The following PCDH9 variants were observed in gnomAD, a reference collection of about 807,000 sequenced individuals.
PCDH9 encodes the protein protocadherin-9.
Under a neutral mutation model 70.6 loss-of-function variants are expected in PCDH9, and 24 were observed. The ratio of observed to expected loss-of-function variants is 0.34; its 90% CI spans 0.25 to 0.48. The LOEUF is 0.48. PCDH9 is among the 20% of genes least tolerant of loss of function. PCDH9 has a pLI of 0.99. For synonymous variants in PCDH9, 562 were observed against 558.5 expected (o/e 1.01, Z -0.09); for missense variants, 1,281 against 1,503.6 (o/e 0.85, Z 2.45).
chr13:66,405,710 T>C (rs1050248881), intron 4 of PCDH9, among the ~76,000 whole-genome samples: 5 of 152,128 alleles, frequency 3.3e-5, no homozygotes, highest in African/African-American at 1.2e-4. Context: ...TGTCCATATA[T>C]AGGAGGACAG....
chr13:66,796,448 C>G (rs1327693386), intron 3 of PCDH9, among the ~76,000 whole-genome samples: 2 of 152,112 alleles, frequency 1.3e-5, no homozygotes, highest in Non-Finnish European at 2.9e-5. Flanking sequence ...TTAAGCAGTA[C>G]CCCAGTTTTC....
intron 3 of PCDH9, among the ~76,000 whole-genome samples, chr13:66,752,794 T>C (rs181482194): frequency 7.4e-4 from 113 of 152,302 alleles, no homozygotes; most frequent in Non-Finnish European, 1.3e-3. Flanking sequence ...GGTCCACACA[T>C]ACACAATGTG....
chr13:66,886,373 G>C (rs1014482785), intron 3 of PCDH9, among the ~76,000 whole-genome samples: 1 of 152,136 alleles, frequency 6.6e-6, no homozygotes, highest in African/African-American at 2.4e-5. Flanking sequence ...AAATCAGAAA[G>C]GGGGCTGTGA....
chr13:66,314,015 A>C (rs1033413203), intron 4 of PCDH9, among the ~76,000 whole-genome samples: 13 of 152,184 alleles, frequency 8.5e-5, no homozygotes, highest in African/African-American at 2.2e-4. Context: ...TCTTACCATC[A>C]CTTTAAATTA....
intron 2 of PCDH9, among the ~76,000 whole-genome samples, chr13:67,099,694 G>A (rs559263160): frequency 7.2e-5 from 11 of 152,138 alleles, no homozygotes; most frequent in Non-Finnish European, 1.3e-4. Flanking sequence ...CAACAGGACC[G>A]AGCAGAACTT....
chr13:66,400,688 A>G (rs1304136486), intron 4 of PCDH9, among the ~76,000 whole-genome samples: 1 of 152,238 alleles, frequency 6.6e-6, no homozygotes, highest in African/African-American at 2.4e-5. Flanking sequence ...TGGAATTAAT[A>G]AAGGATGGAA....
intron 3 of PCDH9, among the ~76,000 whole-genome samples, chr13:66,688,176 C>G (rs1462159823): frequency 6.6e-6 from 1 of 152,094 alleles, no homozygotes; most frequent in Non-Finnish European, 1.5e-5. Context: ...ACTATTTGTG[C>G]ACTCCCTTTA....
chr13:67,216,055 A>G (rs1240547154), intron 2 of PCDH9: 2 of 152,194 alleles, frequency 1.3e-5, no homozygotes, highest in East Asian at 3.9e-4. Flanking sequence ...ACACAGTATC[A>G]GCTGGAGAGG....
chr13:66,873,937 TTTC>T (rs1263183540), intron 3 of PCDH9, among the ~76,000 whole-genome samples: 2 of 119,410 alleles, frequency 1.7e-5, no homozygotes, highest in Non-Finnish European at 3.5e-5. Context: ...TTTTTCTTTC[TTTC>T]TTTTTTTTTT....
intron 2 of PCDH9, among the ~76,000 whole-genome samples, chr13:67,070,410 A>C (rs2085737645): frequency 6.6e-6 from 1 of 152,176 alleles, no homozygotes; most frequent in South Asian, 2.1e-4. Context: ...AGTAAATGTA[A>C]AGAGAAGTAG....
At chr13:67,032,628 A>G (rs1239405864) in intron 2 of PCDH9, among the ~76,000 whole-genome samples, 1 of 152,240 alleles carries the variant, frequency 6.6e-6, no homozygotes, top group African/African-American at 2.4e-5. Flanking sequence ...ATATGTTATT[A>G]GCACAGTATT....
At chr13:66,446,768 T>C (rs943129774) in intron 4 of PCDH9, among the ~76,000 whole-genome samples, 1 of 152,116 alleles carries the variant, frequency 6.6e-6, no homozygotes, top group African/African-American at 2.4e-5. Flanking sequence ...AGAATCATTT[T>C]ATCTAACGAA....
At chr13:66,729,590 C>T (rs552952985) in intron 3 of PCDH9, among the ~76,000 whole-genome samples, 1 of 152,166 alleles carries the variant, frequency 6.6e-6, no homozygotes, top group East Asian at 1.9e-4. Flanking sequence ...CAGCTGTCTA[C>T]CCTCATCCCC....
At chr13:66,314,836 T>C (rs1955622364) in intron 4 of PCDH9, among the ~76,000 whole-genome samples, 1 of 152,202 alleles carries the variant, frequency 6.6e-6, no homozygotes, top group African/African-American at 2.4e-5. Context: ...TCTGCGACTA[T>C]GAATATGATA....
intron 3 of PCDH9, among the ~76,000 whole-genome samples, chr13:66,786,044 A>T (rs937221988): frequency 6.6e-6 from 1 of 152,134 alleles, no homozygotes; most frequent in African/African-American, 2.4e-5. Context: ...TTAATTTATT[A>T]GTTCTTTATG....
chr13:66,891,111 G>T (rs2082088658), intron 3 of PCDH9, among the ~76,000 whole-genome samples: 1 of 152,026 alleles, frequency 6.6e-6, no homozygotes, highest in South Asian at 2.1e-4. Flanking sequence ...TAGTGTTGAG[G>T]TTCATCCATG....
chr13:66,867,231 C>T (rs138756929), intron 3 of PCDH9, among the ~76,000 whole-genome samples: 148 of 152,042 alleles, frequency 9.7e-4, no homozygotes, highest in African/African-American at 3.5e-3. Context: ...AGTTAAAATC[C>T]CATTATACTA....
intron 3 of PCDH9, among the ~76,000 whole-genome samples, chr13:66,832,669 C>CT (rs964387838): frequency 6.6e-6 from 1 of 152,042 alleles, no homozygotes; most frequent in African/African-American, 2.4e-5. Context: ...GCATAAATGG[C>CT]TTTCCCAAAT....
At chr13:66,328,899 G>T (rs1414043585) in intron 4 of PCDH9, among the ~76,000 whole-genome samples, 5 of 152,088 alleles carry the variant, frequency 3.3e-5, no homozygotes, top group Admixed American at 6.6e-5. Flanking sequence ...CTTAAAGAAG[G>T]AATTCTTAAG....
Sources: allele counts gnomAD v4.1 joint callset (sites outside exome capture counted in the v4.1 genomes callset), GRCh38; gene constraint gnomAD v4.1.1; transcripts MANE v1.5; gene names NCBI Gene and HGNC (gene_info 2026-07-23, HGNC 2026-07-21).